The following DCC variants were observed in gnomAD, a reference collection of about 807,000 sequenced individuals.
DCC encodes netrin receptor DCC.
A neutral mutation model predicts 172.5 loss-of-function variants in DCC; 58 were observed. The ratio of observed to expected loss-of-function variants is 0.34; its 90% CI spans 0.27 to 0.42. The LOEUF is 0.42. Ranked by LOEUF, DCC falls within the 10% of genes least tolerant of loss-of-function variation. The pLI is 1.00. For synonymous variants in DCC, 709 were observed against 644.5 expected (o/e 1.10, Z -1.52); for missense variants, 1,740 against 1,791.0 (o/e 0.97, Z 0.51).
chr18:52,601,542 C>A (rs747600277), intron 1 of DCC, among the ~76,000 whole-genome samples: 3 of 151,926 alleles, frequency 2.0e-5, no homozygotes, highest in Non-Finnish European at 4.4e-5. Context: ...GCCATTTTAT[C>A]TTTTTTCTTC....
intron 3 of DCC, among the ~76,000 whole-genome samples, chr18:52,921,427 G>T (rs527505077): frequency 1.1e-4 from 17 of 152,200 alleles, no homozygotes; most frequent in Admixed American, 3.9e-4. Context: ...AGCTGGGCTT[G>T]GTGGCTCACG....
intron 1 of DCC, among the ~76,000 whole-genome samples, chr18:52,365,127 CT>C (rs1038662757): frequency 6.6e-6 from 1 of 152,176 alleles, no homozygotes; most frequent in African/African-American, 2.4e-5. Context: ...AACTTGTCTC[CT>C]TGTCATCTTC....
At chr18:53,283,129 G>A (rs2056892974) in intron 12 of DCC, among the ~76,000 whole-genome samples, 1 of 151,708 alleles carries the variant, frequency 6.6e-6, no homozygotes, top group African/African-American at 2.4e-5. Flanking sequence ...AAATATTTTT[G>A]TTCAAGCGTT....
At position 53,063,443 on chromosome 18, in the gene DCC, A is replaced by G; in HGVS notation, c.1124A>G (p.Asp375Gly). The change falls in exon 6 of 29, where the codon GAT becomes GGT. Residue 375 changes from aspartate (D) to glycine (G), a missense_variant. Coordinates refer to ENST00000442544, the MANE Select transcript of DCC (RefSeq NM_005215.4). Reference protein sequence around the residue: ...MKNGDVVIPSDYFQIVGGSNL... With the variant: ...MKNGDVVIPSGYFQIVGGSNL... ...AATGGAGATGTGGTCATTCCTAGTG[A>G]TTATTTTCAGATAGTGGTAATTATT... is the stretch of plus-strand genomic sequence containing the variant. The G allele has an allele frequency of 6.2e-7, 1 of 1,609,900 alleles. No individual in the cohort carries two copies. The highest frequency in any genetic ancestry group is 8.5e-7 in the Non-Finnish European group (1 of 1,176,684).
At chr18:53,059,663 T>G (rs1281755591) in intron 5 of DCC, among the ~76,000 whole-genome samples, 3 of 152,180 alleles carry the variant, frequency 2.0e-5, no homozygotes, top group Non-Finnish European at 4.4e-5. Context: ...TCATGGTACC[T>G]CATTCTTCAC....
At chr18:53,010,706 C>T (rs964900847) in intron 5 of DCC, among the ~76,000 whole-genome samples, 2 of 150,310 alleles carry the variant, frequency 1.3e-5, no homozygotes, top group African/African-American at 2.4e-5. Context: ...TATTTATATA[C>T]CCAAATAATT....
At chr18:53,012,789 G>A (rs2041749253) in intron 5 of DCC, among the ~76,000 whole-genome samples, 1 of 151,892 alleles carries the variant, frequency 6.6e-6, no homozygotes, top group African/African-American at 2.4e-5. Context: ...AAAATCACAG[G>A]CAACCTACAG....
At position 53,391,724 on chromosome 18, in the gene DCC, C is replaced by T. The variant is rs1330078564; in HGVS notation, c.2525C>T (p.Thr842Ile). Residue 842 changes from threonine (T) to isoleucine (I), a missense_variant, in exon 17 of 29, where the codon ACC (threonine) becomes ATC (isoleucine). Physicochemically the swap from Thr to Ile is moderately conservative, Grantham distance 89. Transcript: ENST00000442544. ...DFPTSVPDLS[T>I]PMLPPVGVQA... Reference sequence around the variant, plus strand: ...CCCACCTCGGTCCCAGATCTCTCCACCCCCATGCTCCCACCAGTAGGTGTA... The same window carrying T: ...CCCACCTCGGTCCCAGATCTCTCCATCCCCATGCTCCCACCAGTAGGTGTA... 2 of 1,613,942 alleles carry T rather than the reference C, an allele frequency of 1.2e-6. No individual in the cohort carries two copies. Among genetic ancestry groups the T allele is most frequent in the Admixed American group, 3.3e-5 (2 of 60,004 alleles).
intron 1 of DCC, among the ~76,000 whole-genome samples, chr18:52,482,782 A>G (rs1391215114): frequency 3.9e-5 from 6 of 152,092 alleles, no homozygotes; most frequent in Non-Finnish European, 7.4e-5. Flanking sequence ...GCCAATTCTT[A>G]ACTTGCTGCA....
intron 2 of DCC, among the ~76,000 whole-genome samples, chr18:52,867,787 T>C (rs2039251461): frequency 6.6e-6 from 1 of 152,130 alleles, no homozygotes; most frequent in African/African-American, 2.4e-5. Flanking sequence ...CTAAAAGAAA[T>C]TCTTTCAAAT....
rs117221110 is a variant in DCC, at chr18:52,682,358, C to T, written c.92-69696C>T. ...ATATCCTGCTGGGATAAAACATGCA[C>T]TCTAGTGGGAGAAACAAGCAATACT... is the stretch of plus-strand genomic sequence containing the variant. On this transcript the variant is annotated intron_variant, in intron 1 of 28. Coordinates refer to ENST00000442544, the MANE Select transcript of DCC (RefSeq NM_005215.4). Among the ~76,000 whole-genome samples, 110 of 152,144 alleles carry T rather than the reference C, an allele frequency of 7.2e-4. No homozygotes were observed. The East Asian group carries it at 0.018, about 25-fold the overall frequency.
chr18:53,115,882 G>A (rs888086467), intron 7 of DCC, among the ~76,000 whole-genome samples: 1 of 151,444 alleles, frequency 6.6e-6, no homozygotes, highest in Non-Finnish European at 1.5e-5. Context: ...GTATTCTGTG[G>A]CAACTTTATG....
At chr18:53,238,308 G>C (rs145546437) in intron 12 of DCC, among the ~76,000 whole-genome samples, 1 of 152,246 alleles carries the variant, frequency 6.6e-6, no homozygotes, top group East Asian at 1.9e-4. Flanking sequence ...ACACTTTATT[G>C]ATGATAGATG....
chr18:52,471,920 T>C (rs543612597), intron 1 of DCC, among the ~76,000 whole-genome samples: 1 of 152,072 alleles, frequency 6.6e-6, no homozygotes, highest in Non-Finnish European at 1.5e-5. Context: ...TGAAAAGGAG[T>C]CTCCAACAAT....
rs549057443 is a variant in DCC at position 53,402,952 on chromosome 18, C to T, written c.2935+59C>T. 3.0e-5 allele frequency: 37 copies of T among 1,229,618 alleles called. No homozygotes were observed. In the African/African-American group the frequency reaches 4.6e-4, roughly 15 times the overall value. 76.2% of individuals were successfully genotyped at this position (1,229,618 alleles called of 1,614,324 possible). On this transcript the variant is annotated intron_variant, in intron 19 of 28. Transcript: ENST00000442544. ...CTCCCTTGTCCTATAATTGCTTACC[C>T]CCTACATGAGCTGCTCCTGCCTTTC... is the stretch of plus-strand genomic sequence containing the variant.
At chr18:52,940,304 C>T (rs1361151818) in intron 5 of DCC, among the ~76,000 whole-genome samples, 1 of 152,070 alleles carries the variant, frequency 6.6e-6, no homozygotes, top group South Asian at 2.1e-4. Context: ...GAAGAACAGT[C>T]GAGGCAGAGA....
intron 27 of DCC, among the ~76,000 whole-genome samples, chr18:53,524,317 T>C (rs1240294948): frequency 6.6e-6 from 1 of 150,410 alleles, no homozygotes; most frequent in Non-Finnish European, 1.5e-5. Flanking sequence ...AGAAGGAAAA[T>C]GTTCATAATG....
At chr18:53,291,339 C>T (rs546174875) in intron 12 of DCC, among the ~76,000 whole-genome samples, 1 of 152,172 alleles carries the variant, frequency 6.6e-6, no homozygotes, top group South Asian at 2.1e-4. Flanking sequence ...ACCTTGCGAT[C>T]TCAGTGGTTA....
At chr18:53,459,714 G>A (rs1216433521) in intron 24 of DCC, among the ~76,000 whole-genome samples, 1 of 152,042 alleles carries the variant, frequency 6.6e-6, no homozygotes. Context: ...TTGGAAGTAG[G>A]ACAGTTGGGA....
Sources: gnomAD v4.1 joint callset for allele counts (sites outside exome capture counted in the v4.1 genomes callset) on GRCh38, gnomAD v4.1.1 for gene constraint, MANE v1.5 for transcripts, NCBI Gene and HGNC (gene_info 2026-07-23, HGNC 2026-07-21) for gene names.